MED1: variants seen among roughly 807,000 people sequenced by gnomAD.
MED1 encodes mediator of RNA polymerase II transcription subunit 1.
In MED1, 17 loss-of-function variants were observed where a neutral mutation model predicts 121.3. The observed-to-expected ratio is 0.14, with a 90% CI of 0.10 to 0.21. MED1 has a LOEUF of 0.21. MED1 is among the 10% of genes least tolerant of loss of function. MED1 has a pLI of 1.00. For synonymous variants in MED1, 661 were observed against 694.4 expected, an observed-to-expected ratio of 0.95 and a Z score of 0.76; for missense variants, 1,558 against 1,919.4, an observed-to-expected ratio of 0.81 and a Z score of 3.52.
At chr17:39,439,985 A>AAGGAAGGAAG (rs1567651936) in intron 5 of MED1, among the ~76,000 whole-genome samples, 51 of 125,678 alleles carry the variant, frequency 4.1e-4, no homozygotes, top group African/African-American at 1.5e-3. Context: ...AAAGAAAGAA[A>AAGGAAGGAAG]GAAGGAAGGA....
chr17:39,448,849 C>T (rs143380350), intron 1 of MED1, among the ~76,000 whole-genome samples: 7,812 of 152,150 alleles, frequency 0.051, 656 homozygotes, highest in African/African-American at 0.18. Flanking sequence ...GCGGAGGTTG[C>T]AGTGAGCCCA....
intron 6 of MED1, among the ~76,000 whole-genome samples, chr17:39,438,483 C>T (rs967135367): frequency 6.6e-6 from 1 of 151,930 alleles, no homozygotes; most frequent in Non-Finnish European, 1.5e-5. Context: ...GCTGGAACCA[C>T]AGATGCCTGC....
Position 39,408,487 on chromosome 17 carries a change from G to A in MED1, c.3734C>T (p.Ser1245Leu), listed in dbSNP as rs1353650737. ...SGTSSSSGMK[S>L]SSGLGSSGSL... ...GCCTGAGGATCCTAACCCTGAAGAT[G>A]ACTTCATGCCAGAGCTTGAACTAGT... The change falls in exon 17 of 17, where the codon TCA becomes TTA. Residue 1245 changes from serine (S) to leucine (L), a missense_variant. Ser to Leu is a moderately radical substitution (Grantham distance 145, BLOSUM62 -2). Transcript: ENST00000300651. This position sits in a 1 kb window ranked among gnomAD's most constrained non-coding sequence, Gnocchi z 4.7. The A allele has an allele frequency of 4.3e-6, 7 of 1,614,150 alleles. No individual in the cohort carries two copies. The highest frequency in any genetic ancestry group is 1.6e-4 in the Middle Eastern group (1 of 6,062).
At position 39,407,535 on chromosome 17, in the gene MED1, T is replaced by G. The variant is rs1374471137; in HGVS notation, c.4686A>C (p.Pro1562=). 2.5e-6 allele frequency: 4 copies of G among 1,614,012 alleles called. No individual in the cohort carries two copies. The highest frequency in any genetic ancestry group is 1.7e-5 in the Admixed American group (1 of 59,990). Reference sequence around the variant, plus strand: ...CATCTTCCTCCCCAATCATAAAGTCTGGGCTGAGCCTTGAGGGTCTGTCTG... The same window carrying G: ...CATCTTCCTCCCCAATCATAAAGTCGGGGCTGAGCCTTGAGGGTCTGTCTG... ...LSADRPSRLS[P]DFMIGEEDDD... is the part of the protein sequence containing the mutation. The change falls in exon 17 of 17, where the codon CCA becomes CCC. Residue 1562 remains proline, a synonymous_variant. Transcript: ENST00000300651.
chr17:39,446,029 TAAAAAAAAA>T (rs749371778), intron 2 of MED1, among the ~76,000 whole-genome samples: 2 of 113,396 alleles, frequency 1.8e-5, no homozygotes, highest in African/African-American at 6.5e-5. Flanking sequence ...ATTCCATCTT[TAAAAAAAAA>T]AAAAAAAAAT....
At chr17:39,430,807 G>A (rs988800769) in intron 9 of MED1, among the ~76,000 whole-genome samples, 3 of 152,046 alleles carry the variant, frequency 2.0e-5, no homozygotes, top group South Asian at 2.1e-4. Flanking sequence ...CAGTCGAGGC[G>A]AGGAGTTCAG....
chr17:39,406,111 T>C lies in MED1; in HGVS notation c.*1364A>G, dbSNP rs530940864. 8 of 985,586 alleles carry C rather than the reference T, an allele frequency of 8.1e-6. No homozygotes were observed. In the East Asian group the frequency reaches 3.3e-4, roughly 41 times the overall value. 61.1% of individuals were successfully genotyped at this position (985,586 alleles called of 1,614,324 possible). ...TCTCCTGGATTTCTATATTTTTATGTGAAGGGCTCTTATTGATGTCCCCCA... is the reference window on the plus strand; with the variant it reads ...TCTCCTGGATTTCTATATTTTTATGCGAAGGGCTCTTATTGATGTCCCCCA... On this transcript the variant is annotated 3_prime_UTR_variant, in exon 17 of 17. Coordinates refer to ENST00000300651, the MANE Select transcript of MED1 (RefSeq NM_004774.4).
intron 8 of MED1, 120 bp from the exon 9 acceptor site, chr17:39,431,308 G>A (rs1025586485): frequency 3.1e-5 from 24 of 771,558 alleles, no homozygotes; most frequent in Middle Eastern, 5.6e-4. Context: ...ACGGAGTTTC[G>A]CTCTTGTCGC....
chr17:39,424,789 G>C (rs1258623696), intron 10 of MED1, 51 bp from the exon 11 acceptor site: 1 of 1,074,864 alleles, frequency 9.3e-7, no homozygotes. Context: ...CAAATGATGG[G>C]AATCACAGTA....
intron 16 of MED1, among the ~76,000 whole-genome samples, chr17:39,414,654 T>C (rs1355524021): frequency 8.4e-6 from 1 of 119,048 alleles, no homozygotes; most frequent in South Asian, 2.7e-4. Context: ...TTTTTTTTTT[T>C]TTTTTTTTTT....
At chr17:39,416,569 G>A (rs557364041) in intron 14 of MED1, among the ~76,000 whole-genome samples, 20 of 152,254 alleles carry the variant, frequency 1.3e-4, no homozygotes, top group Admixed American at 1.2e-3. Context: ...AAGCTATCTG[G>A]AGACTTCTTA....
rs1597858157 is a variant in MED1, at chr17:39,419,596, A to C, written c.1297+121T>G. ...CTAATTTGCTTGATTTTTATGCCAA[A>C]TATGAAAAAAAAAAAACTTTTTTTA... On this transcript the variant is annotated intron_variant, in intron 14 of 16. Transcript: ENST00000300651. 30 of 964,000 alleles carry C rather than the reference A, an allele frequency of 3.1e-5. No homozygotes were observed. The South Asian group carries it at 4.4e-4, about 14-fold the overall frequency. The allele number at this position is 964,000 out of a possible 1,614,324, so 59.7% of individuals were successfully genotyped here. A position where few individuals can be genotyped will look rare whatever the true frequency, so the allele number is the denominator to read the frequency against.
At chr17:39,448,716 C>A (rs2048753487) in intron 1 of MED1, among the ~76,000 whole-genome samples, 1 of 152,062 alleles carries the variant, frequency 6.6e-6, no homozygotes, top group African/African-American at 2.4e-5. Context: ...TCGAGACCAG[C>A]CTGACCAACA....
At chr17:39,429,947 G>C (rs1348562444) in intron 9 of MED1, among the ~76,000 whole-genome samples, 1 of 152,004 alleles carries the variant, frequency 6.6e-6, no homozygotes, top group Non-Finnish European at 1.5e-5. Flanking sequence ...GCCAGGCATG[G>C]TATCCTGTAC....
chr17:39,410,687 G>A lies in MED1; in HGVS notation c.1534C>T (p.Arg512Trp), dbSNP rs370909230. 9.9e-6 allele frequency: 16 copies of A among 1,612,754 alleles called. No individual in the cohort carries two copies. The highest frequency in any genetic ancestry group is 6.7e-5 in the East Asian group (3 of 44,862). ...MSIPVTMRAIRRKAETIQADT... is the reference protein window; with the variant it reads ...MSIPVTMRAIWRKAETIQADT... ...GCTTGAATGGTTTCAGCTTTCCTCC[G>A]AATAGCCCTCATCGTCACAGGGATG... Residue 512 changes from arginine (R) to tryptophan (W), a missense_variant, in exon 17 of 17, where the codon CGG becomes TGG. Around this residue, in one of 5 missense-constraint regions of MED1, gnomAD observed 50 missense variants for 134.5 expected, o/e 0.37. Coordinates refer to ENST00000300651, the MANE Select transcript of MED1 (RefSeq NM_004774.4).
At chr17:39,425,972 A>G (rs1435121519) in intron 10 of MED1, among the ~76,000 whole-genome samples, 1 of 152,144 alleles carries the variant, frequency 6.6e-6, no homozygotes, top group African/African-American at 2.4e-5. Flanking sequence ...AAGTAGGATC[A>G]TAATAAAAGG....
rs542899865 is a variant in MED1 at position 39,419,877 on chromosome 17, A to C, written c.1137T>G (p.Asp379Glu). 2.8e-5 allele frequency: 45 copies of C among 1,614,132 alleles called. No individual in the cohort carries two copies. The highest frequency in any genetic ancestry group is 1.9e-4 in the South Asian group (17 of 91,090). The part of the protein sequence containing the change: ...GQQHCYFLNK[D>E]APLPDGRSLQ... ...GACTTCGGCCATCTGGAAGAGGAGC[A>C]TCCTTGTTGAGGAAATAGCAGTGCT... Residue 379 changes from aspartate (D) to glutamate (E), a missense_variant, in exon 14 of 17, where the codon GAT (aspartate) becomes GAG (glutamate). By Grantham distance (45) the Asp-to-Glu change is conservative (BLOSUM62 2). Transcript: ENST00000300651.
Position 39,410,083 on chromosome 17 carries a change from A to C in MED1, c.2138T>G (p.Phe713Cys). ...QTEDDFQREL[F>C]SMDVDSQNPI... is the part of the protein sequence containing the mutation. ...GTTCTGTGAGTCAACATCCATTGAA[A>C]ATAGCTCCCTCTGAAAGTCATCTTC... The change falls in exon 17 of 17, where the codon TTT (phenylalanine) becomes TGT (cysteine). Residue 713 changes from phenylalanine to cysteine, a missense_variant. By Grantham distance (205) the Phe-to-Cys change is radical. This residue lies in a region of MED1 where 793 missense variants were observed against 898.2 expected (regional missense o/e 0.88). Coordinates refer to ENST00000300651, the MANE Select transcript of MED1 (RefSeq NM_004774.4). 6.2e-7 allele frequency: 1 copy of C among 1,614,058 alleles called. No homozygotes were observed. The highest frequency in any genetic ancestry group is 8.5e-7 in the Non-Finnish European group (1 of 1,180,028).
At position 39,405,105 on chromosome 17, in the gene MED1, G is replaced by T; in HGVS notation, c.*2370C>A. The stretch of plus-strand genomic sequence containing the variant: ...AGAATGAGTACACCTAGACAGGAGG[G>T]AGGTGTCCCAGGCTTGGTTTATTCT... On this transcript the variant is annotated 3_prime_UTR_variant, in exon 17 of 17. Coordinates refer to ENST00000300651, the MANE Select transcript of MED1 (RefSeq NM_004774.4). 1 of 1,134,966 alleles carries T rather than the reference G, an allele frequency of 8.8e-7. No homozygotes were observed. The highest frequency in any genetic ancestry group is 1.2e-6 in the Non-Finnish European group (1 of 827,486). The allele number at this position is 1,134,966 out of a possible 1,614,324, so 70.3% of individuals were successfully genotyped here. A position where few individuals can be genotyped will look rare whatever the true frequency, so the allele number is the denominator to read the frequency against.
Sources: gnomAD v4.1 joint callset for allele counts (sites outside exome capture counted in the v4.1 genomes callset) on GRCh38, gnomAD v4.1.1 for gene constraint, gnomAD v4.1.1 regional missense constraint, Gnocchi (gnomAD v3.1) non-coding constraint, MANE v1.5 for transcripts, NCBI Gene and HGNC (gene_info 2026-07-23, HGNC 2026-07-21) for gene names.